Variants in TENM4 observed in about 807,000 individuals in gnomAD.
TENM4 encodes teneurin-4.
TENM4 carries 82 observed loss-of-function variants against 243.3 expected under a neutral mutation model. The ratio of observed to expected loss-of-function variants is 0.34; its 90% CI spans 0.28 to 0.40. TENM4 has a LOEUF of 0.40. Among genes scored for constraint, TENM4 ranks in the 10% least tolerant of loss-of-function variants. The pLI is 1.00. For missense variants in TENM4, 3,138 were observed against 3,673.3 expected (o/e 0.85, Z 3.77); for synonymous variants, 1,412 against 1,456.3 (o/e 0.97, Z 0.69).
chr11:79,303,069 T>C (rs1244437030), intron 1 of TENM4, among the ~76,000 whole-genome samples: 2 of 152,172 alleles, frequency 1.3e-5, no homozygotes, highest in African/African-American at 4.8e-5. Context: ...AATTGGGTTT[T>C]AGTTGGGAAG....
At chr11:79,099,289 CCT>C (rs991960097) in intron 4 of TENM4, among the ~76,000 whole-genome samples, 1 of 152,082 alleles carries the variant, frequency 6.6e-6, no homozygotes, top group Non-Finnish European at 1.5e-5. Context: ...TGCTCCAGAC[CCT>C]CTCTCCTTTG....
intron 6 of TENM4, among the ~76,000 whole-genome samples, chr11:78,959,640 T>C (rs934261285): frequency 6.6e-6 from 1 of 152,142 alleles, no homozygotes; most frequent in East Asian, 1.9e-4. Context: ...TACCAACTTT[T>C]AGAGTGACAT....
chr11:78,865,978 T>C (rs745425602), intron 9 of TENM4, among the ~76,000 whole-genome samples: 3 of 152,248 alleles, frequency 2.0e-5, no homozygotes, highest in Non-Finnish European at 4.4e-5. Flanking sequence ...TAACCATTCA[T>C]TGCATTTGTA....
At chr11:78,836,899 G>A (rs1444697631) in intron 12 of TENM4, among the ~76,000 whole-genome samples, 1 of 152,190 alleles carries the variant, frequency 6.6e-6, no homozygotes, top group East Asian at 1.9e-4. Flanking sequence ...GTGTAACAGA[G>A]CTGACAAAAC....
intron 11 of TENM4, among the ~76,000 whole-genome samples, chr11:78,855,299 A>G (rs1016787721): frequency 6.6e-6 from 1 of 152,168 alleles, no homozygotes; most frequent in Non-Finnish European, 1.5e-5. Context: ...TATGATTTAC[A>G]TTACTCCAAT....
rs376885895 is a variant in TENM4 at position 79,082,256 on chromosome 11, G to A, written c.-65-12247C>T. 2.8e-3 allele frequency among the ~76,000 whole-genome samples: 422 copies of A among 152,200 alleles called. 3 individuals are homozygous for A. The highest frequency in any genetic ancestry group is 9.3e-3 in the African/African-American group (388 of 41,518). ...CTTTGCGAGCCAACCCTCTCCCTTG[G>A]CATCCTCTAAGTGGCTCTTTTTCGG... On this transcript the variant is annotated intron_variant, in intron 4 of 33. Transcript: ENST00000278550.
At chr11:78,712,142 G>A (rs1039463795) in intron 26 of TENM4, among the ~76,000 whole-genome samples, 8 of 152,094 alleles carry the variant, frequency 5.3e-5, no homozygotes, top group African/African-American at 1.4e-4. Flanking sequence ...AAACTATATA[G>A]TCATTAAAAA....
At chr11:79,296,453 A>T (rs1382882327) in intron 2 of TENM4, among the ~76,000 whole-genome samples, 1 of 152,220 alleles carries the variant, frequency 6.6e-6, no homozygotes, top group African/African-American at 2.4e-5. Context: ...GCGAGCTCAC[A>T]GCTGCCTTCA....
intron 28 of TENM4, among the ~76,000 whole-genome samples, chr11:78,696,703 TC>T (rs1166887306): frequency 6.6e-6 from 1 of 152,182 alleles, no homozygotes; most frequent in African/African-American, 2.4e-5. Context: ...CCTTGGGTCC[TC>T]CCTTTGTGCT....
chr11:79,002,111 T>C (rs374797220), intron 6 of TENM4, among the ~76,000 whole-genome samples: 101 of 151,500 alleles, frequency 6.7e-4, no homozygotes, highest in African/African-American at 2.4e-3. Context: ...CCCCCACTGA[T>C]ACATGGGTAC....
chr11:78,986,015 G>C (rs1288133778), intron 6 of TENM4, among the ~76,000 whole-genome samples: 1 of 152,192 alleles, frequency 6.6e-6, no homozygotes, highest in Non-Finnish European at 1.5e-5. Context: ...GGTGTATCAA[G>C]AGATGAAGCA....
intron 2 of TENM4, among the ~76,000 whole-genome samples, chr11:79,282,842 C>A (rs1856180938): frequency 6.6e-6 from 1 of 151,686 alleles, no homozygotes; most frequent in East Asian, 1.9e-4. Flanking sequence ...AGGAAAAAGG[C>A]AGGAATTATA....
intron 6 of TENM4, among the ~76,000 whole-genome samples, chr11:79,005,143 C>T (rs1858449806): frequency 1.3e-5 from 2 of 151,944 alleles, no homozygotes; most frequent in African/African-American, 2.4e-5. Context: ...CAGAGAAAAA[C>T]CAGGACCAGA....
At chr11:79,178,505 G>A (rs1220002251) in intron 3 of TENM4, among the ~76,000 whole-genome samples, 1 of 152,144 alleles carries the variant, frequency 6.6e-6, no homozygotes, top group Non-Finnish European at 1.5e-5. Context: ...AGTGTGGTGA[G>A]GCAGAACCAG....
At chr11:79,293,315 T>C (rs1214514372) in intron 2 of TENM4, among the ~76,000 whole-genome samples, 1 of 151,994 alleles carries the variant, frequency 6.6e-6, no homozygotes, top group Non-Finnish European at 1.5e-5. Flanking sequence ...TGGGTCACAC[T>C]TGGCAACATA....
chr11:79,352,576 G>T (rs1169313241), intron 1 of TENM4, among the ~76,000 whole-genome samples: 1 of 152,210 alleles, frequency 6.6e-6, no homozygotes, highest in Non-Finnish European at 1.5e-5. Context: ...AGAAGGATGT[G>T]CATGACCCCC....
At chr11:79,252,882 G>C (rs1292141314) in intron 2 of TENM4, among the ~76,000 whole-genome samples, 1 of 152,184 alleles carries the variant, frequency 6.6e-6, no homozygotes, top group African/African-American at 2.4e-5. Flanking sequence ...CTCACTCCCA[G>C]ACAGACGAGT....
intron 1 of TENM4, among the ~76,000 whole-genome samples, chr11:79,350,082 C>G (rs978712006): frequency 1.3e-5 from 2 of 152,176 alleles, no homozygotes; most frequent in Non-Finnish European, 2.9e-5. Context: ...TAGTCCCTGC[C>G]CTCAGGAAAC....
chr11:78,760,160 G>T (rs1856398609), intron 18 of TENM4, among the ~76,000 whole-genome samples: 1 of 152,198 alleles, frequency 6.6e-6, no homozygotes, highest in Non-Finnish European at 1.5e-5. Context: ...CCAGACCTGG[G>T]CAGGAACAGT....
Sources: gnomAD v4.1 joint callset for allele counts (sites outside exome capture counted in the v4.1 genomes callset) on GRCh38, gnomAD v4.1.1 for gene constraint, MANE v1.5 for transcripts, NCBI Gene and HGNC (gene_info 2026-07-23, HGNC 2026-07-21) for gene names.